The following SRBD1 variants were observed in gnomAD, a reference collection of about 807,000 sequenced individuals.
The protein encoded by SRBD1 is S1 RNA-binding domain-containing protein 1.
A neutral mutation model predicts 115.3 loss-of-function variants in SRBD1; 88 were observed. That is an observed-to-expected ratio of 0.76 (90% CI 0.64 to 0.91). The LOEUF is 0.91. Ranked by LOEUF, SRBD1 falls within the 40% of genes least tolerant of loss-of-function variation. SRBD1 has a pLI of 0.00. For synonymous variants in SRBD1, 509 were observed against 407.7 expected (o/e 1.25, Z -2.99); for missense variants, 1,385 against 1,177.4 (o/e 1.18, Z -2.58).
intron 16 of SRBD1, among the ~76,000 whole-genome samples, chr2:45,435,006 T>C (rs1052403145): frequency 1.6e-4 from 24 of 151,268 alleles, no homozygotes; most frequent in Non-Finnish European, 3.1e-4. Flanking sequence ...CACCTATGAC[T>C]GAGAACATGT....
intron 2 of SRBD1, among the ~76,000 whole-genome samples, chr2:45,605,006 A>G (rs187742501): frequency 9.5e-4 from 144 of 152,336 alleles, no homozygotes; most frequent in Non-Finnish European, 1.5e-3. Context: ...CTACAAGAAA[A>G]AAGATAGCCC....
chr2:45,504,038 T>C (rs1350957481), intron 14 of SRBD1, among the ~76,000 whole-genome samples: 1 of 152,212 alleles, frequency 6.6e-6, no homozygotes, highest in Non-Finnish European at 1.5e-5. Context: ...ACCAAGTTTT[T>C]ACTATAAAAT....
At chr2:45,539,588 G>C (rs1174495502) in intron 14 of SRBD1, among the ~76,000 whole-genome samples, 1 of 152,136 alleles carries the variant, frequency 6.6e-6, no homozygotes, top group African/African-American at 2.4e-5. Context: ...GGGAACTACT[G>C]ATGAGAATAT....
At chr2:45,447,513 A>C (rs906473972) in intron 16 of SRBD1, 7 of 152,174 alleles carry the variant, frequency 4.6e-5, no homozygotes, top group Admixed American at 2.0e-4. Context: ...GAGTTAAGTG[A>C]TTTAACCCTC....
chr2:45,429,216 T>C (rs1458027703), intron 16 of SRBD1, among the ~76,000 whole-genome samples: 1 of 151,102 alleles, frequency 6.6e-6, no homozygotes, highest in Non-Finnish European at 1.5e-5. Flanking sequence ...CCACCAGAGG[T>C]ACAAAGAGGA....
chr2:45,436,199 C>G lies in SRBD1; in HGVS notation c.2050-16305G>C, dbSNP rs549735824. Among the ~76,000 whole-genome samples, 8 of 152,122 alleles carry G rather than the reference C, an allele frequency of 5.3e-5. No homozygotes were observed. In the East Asian group the frequency reaches 1.5e-3, roughly 29 times the overall value. On this transcript the variant is annotated intron_variant, in intron 16 of 20. Coordinates refer to ENST00000263736, the MANE Select transcript of SRBD1 (RefSeq NM_018079.5). ...CTGCAGAAAAAGCACTTGACAAAATCTAACTAACACTCATTCATGATAAAA... is the reference window on the plus strand; with the variant it reads ...CTGCAGAAAAAGCACTTGACAAAATGTAACTAACACTCATTCATGATAAAA...
chr2:45,436,163 C>T (rs1668491483), intron 16 of SRBD1, among the ~76,000 whole-genome samples: 1 of 151,954 alleles, frequency 6.6e-6, no homozygotes, highest in Non-Finnish European at 1.5e-5. Context: ...AAAAAAATCA[C>T]ATAGTCCTAG....
chr2:45,462,912 C>CA (rs1211936635), intron 16 of SRBD1, among the ~76,000 whole-genome samples: 1 of 150,874 alleles, frequency 6.6e-6, no homozygotes, highest in Non-Finnish European at 1.5e-5. Context: ...TTCAAAACGA[C>CA]AACACATGCA....
At chr2:45,482,752 T>C (rs921113606) in intron 15 of SRBD1, among the ~76,000 whole-genome samples, 1 of 152,098 alleles carries the variant, frequency 6.6e-6, no homozygotes, top group Non-Finnish European at 1.5e-5. Flanking sequence ...AGTCATCCTG[T>C]ATCCTTGGGT....
chr2:45,513,784 C>T (rs1193224479), intron 14 of SRBD1, among the ~76,000 whole-genome samples: 1 of 140,684 alleles, frequency 7.1e-6, no homozygotes, highest in African/African-American at 2.7e-5. Context: ...TTGTTCAAAA[C>T]AGTTTTTTTT....
intron 14 of SRBD1, among the ~76,000 whole-genome samples, chr2:45,523,209 AATGCCC>A (rs1408371776): frequency 6.6e-6 from 1 of 151,808 alleles, no homozygotes; most frequent in Non-Finnish European, 1.5e-5. Flanking sequence ...TATAGTTATA[AATGCCC>A]ATATTAAAAA....
intron 19 of SRBD1, among the ~76,000 whole-genome samples, chr2:45,405,431 A>G (rs1424636407): frequency 6.6e-6 from 1 of 152,190 alleles, no homozygotes; most frequent in Non-Finnish European, 1.5e-5. Flanking sequence ...TTTTAGAAAC[A>G]TAGAGTTTCC....
chr2:45,422,624 T>C (rs1216933669), intron 16 of SRBD1, among the ~76,000 whole-genome samples: 2 of 152,208 alleles, frequency 1.3e-5, no homozygotes, highest in Non-Finnish European at 2.9e-5. Flanking sequence ...GGAATAGGTA[T>C]TTGGTTCACT....
intron 16 of SRBD1, among the ~76,000 whole-genome samples, chr2:45,450,431 G>T (rs1042939895): frequency 6.6e-6 from 1 of 152,044 alleles, no homozygotes; most frequent in African/African-American, 2.4e-5. Context: ...TTCACATAAT[G>T]AATCTACAGC....
intron 14 of SRBD1, among the ~76,000 whole-genome samples, chr2:45,526,122 G>C (rs1671434116): frequency 6.6e-6 from 1 of 151,970 alleles, no homozygotes; most frequent in Admixed American, 6.6e-5. Context: ...AGAGAAATGA[G>C]CCCATATGTC....
chr2:45,599,673 C>T lies in SRBD1; in HGVS notation c.424G>A (p.Ala142Thr), dbSNP rs1441045284. 1.9e-6 allele frequency: 3 copies of T among 1,614,112 alleles called. No individual in the cohort carries two copies. Among genetic ancestry groups the T allele is most frequent in the Non-Finnish European group, 2.5e-6 (3 of 1,180,052 alleles). ...TTACTCTCACCCTCTAAGTTGCTGG[C>T]TTTGCTGGTTTCTTCTTCAACTTTC... ...KLKVEEETSK[A>T]SNLEGESNSS... Residue 142 changes from alanine (A) to threonine (T), a missense_variant, in exon 4 of 21, where the codon GCC becomes ACC. By Grantham distance (58) the Ala-to-Thr change is moderately conservative. Transcript: ENST00000263736.
In SRBD1 at chr2:45,583,381, A is replaced by C. The variant is rs1673424608; in HGVS notation, c.816-1571T>G. Among the ~76,000 whole-genome samples, 3 of 152,290 alleles carry C rather than the reference A, an allele frequency of 2.0e-5. No homozygotes were observed. In the South Asian group the frequency reaches 6.2e-4, roughly 32 times the overall value. On this transcript the variant is annotated intron_variant, in intron 5 of 20. Coordinates refer to ENST00000263736, the MANE Select transcript of SRBD1 (RefSeq NM_018079.5). ...ACCAGGTCATTTTAACAAAAAGCCA[A>C]TTCCTTTTGTCCTATTAGCCTGCAT...
At chr2:45,572,531 G>C (rs1262266738) in intron 9 of SRBD1, among the ~76,000 whole-genome samples, 2 of 152,006 alleles carry the variant, frequency 1.3e-5, no homozygotes, top group African/African-American at 4.8e-5. Flanking sequence ...TTTGTCACTA[G>C]TAGACCTGCC....
At chr2:45,464,226 A>G (rs1035119488) in intron 16 of SRBD1, among the ~76,000 whole-genome samples, 5 of 152,114 alleles carry the variant, frequency 3.3e-5, no homozygotes, top group Non-Finnish European at 5.9e-5. Flanking sequence ...CTACATGGCC[A>G]TTCTAATGCT....
Sources: allele counts gnomAD v4.1 joint callset (sites outside exome capture counted in the v4.1 genomes callset), GRCh38; gene constraint gnomAD v4.1.1; transcripts MANE v1.5; gene names NCBI Gene and HGNC (gene_info 2026-07-23, HGNC 2026-07-21).